ARHGAP10: variants seen among roughly 807,000 people sequenced by gnomAD.
ARHGAP10 encodes rho GTPase-activating protein 10.
In ARHGAP10, 87 loss-of-function variants were observed where a neutral mutation model predicts 108.6. The observed-to-expected ratio is 0.80, with a 90% CI of 0.67 to 0.96. The LOEUF (loss-of-function observed/expected upper bound fraction) is 0.96. Among genes scored for constraint, ARHGAP10 ranks in the 40% least tolerant of loss-of-function variants. The probability of loss-of-function intolerance (pLI) is 0.00; values close to 1 mark genes in which losing one functional copy is unlikely to be tolerated. For missense variants in ARHGAP10, 939 were observed against 954.5 expected (o/e 0.98, Z 0.21); for synonymous variants, 347 against 341.1 (o/e 1.02, Z -0.19).
At chr4:147,932,890 G>A (rs78137022) in intron 13 of ARHGAP10, among the ~76,000 whole-genome samples, 1 of 152,198 alleles carries the variant, frequency 6.6e-6, no homozygotes, top group African/African-American at 2.4e-5. Context: ...GGCAGGTTTG[G>A]TGTGGAAATT....
rs189283222 is a variant in ARHGAP10 at position 147,948,773 on chromosome 4, G to A, written c.1391+2069G>A. 5.2e-3 allele frequency among the ~76,000 whole-genome samples: 790 copies of A among 151,772 alleles called. 34 individuals are homozygous for A. The highest frequency in any genetic ancestry group is 0.047 in the Admixed American group (722 of 15,238). Reference sequence around the variant, plus strand: ...AGATCAAGACCATCCTTGCTAACACGGTGAAACCCCGTCTCTACTAAAAAA... The same window carrying A: ...AGATCAAGACCATCCTTGCTAACACAGTGAAACCCCGTCTCTACTAAAAAA... On this transcript the variant is annotated intron_variant, in intron 15 of 22. Coordinates refer to ENST00000336498, the MANE Select transcript of ARHGAP10 (RefSeq NM_024605.4).
intron 10 of ARHGAP10, among the ~76,000 whole-genome samples, chr4:147,900,526 T>G (rs1370705019): frequency 6.6e-6 from 1 of 152,194 alleles, no homozygotes; most frequent in African/African-American, 2.4e-5. Flanking sequence ...TCTGACTTGC[T>G]GTATGTGATG....
At chr4:148,022,968 G>A (rs1246797116) in intron 18 of ARHGAP10, 1 of 209,130 alleles carries the variant, frequency 4.8e-6, no homozygotes, top group Non-Finnish European at 9.5e-6. Flanking sequence ...AAGGGCTGTG[G>A]TACTGTCTAT....
At chr4:147,761,727 A>G (rs1193883181) in intron 1 of ARHGAP10, among the ~76,000 whole-genome samples, 1 of 152,228 alleles carries the variant, frequency 6.6e-6, no homozygotes, top group African/African-American at 2.4e-5. Context: ...GCCCATTTGG[A>G]ATATACGGGC....
intron 3 of ARHGAP10, among the ~76,000 whole-genome samples, chr4:147,823,482 G>C (rs1372087260): frequency 6.6e-6 from 1 of 152,128 alleles, no homozygotes; most frequent in Non-Finnish European, 1.5e-5. Context: ...CCTTGGCCAG[G>C]CATGGTGGGT....
At chr4:147,750,312 T>C (rs1261211489) in intron 1 of ARHGAP10, among the ~76,000 whole-genome samples, 1 of 151,768 alleles carries the variant, frequency 6.6e-6, no homozygotes, top group Non-Finnish European at 1.5e-5. Flanking sequence ...TGAAGGGAGG[T>C]GTTTAATTTC....
At chr4:147,942,621 C>T (rs1738202157) in intron 14 of ARHGAP10, among the ~76,000 whole-genome samples, 1 of 152,146 alleles carries the variant, frequency 6.6e-6, no homozygotes, top group Non-Finnish European at 1.5e-5. Flanking sequence ...TCCTTATCCT[C>T]TTTATTCTCT....
At chr4:147,841,255 A>C (rs1056529992) in intron 3 of ARHGAP10, among the ~76,000 whole-genome samples, 2 of 152,258 alleles carry the variant, frequency 1.3e-5, no homozygotes, top group African/African-American at 4.8e-5. Context: ...AACCCTTTCC[A>C]AGGCTCACTA....
At chr4:147,935,609 G>C (rs6820696) in intron 13 of ARHGAP10, among the ~76,000 whole-genome samples, 138,819 of 152,204 alleles carry the variant, frequency 0.91, 63,732 homozygotes, top group East Asian at 0.97. Flanking sequence ...AAAAGGACAT[G>C]ATAAACTCAC....
At chr4:147,759,146 GTAATAAACTA>G (rs1729495343) in intron 1 of ARHGAP10, among the ~76,000 whole-genome samples, 1 of 152,122 alleles carries the variant, frequency 6.6e-6, no homozygotes, top group South Asian at 2.1e-4. Context: ...TTTGCTGATA[GTAATAAACTA>G]TTGTAATAAA....
In ARHGAP10 at chr4:147,732,152, G is replaced by C. The variant is rs1186046030; in HGVS notation, c.-150G>C. 6 of 653,060 alleles carry C rather than the reference G, an allele frequency of 9.2e-6. No homozygotes were observed. In the East Asian group the frequency reaches 1.1e-4, roughly 12 times the overall value. 40.5% of individuals were successfully genotyped at this position (653,060 alleles called of 1,614,324 possible). A position where few individuals can be genotyped will look rare whatever the true frequency, so the allele number is the denominator to read the frequency against. On this transcript the variant is annotated 5_prime_UTR_variant, in exon 1 of 23. Coordinates refer to ENST00000336498, the MANE Select transcript of ARHGAP10 (RefSeq NM_024605.4). ...CCGCGCCGCAGGACTCGGCTCTACG[G>C]GACATGTCCGTGCCGCGCTCGCCGC...
intron 7 of ARHGAP10, among the ~76,000 whole-genome samples, chr4:147,873,623 C>G (rs144220284): frequency 6.7e-6 from 1 of 149,416 alleles, no homozygotes. Context: ...CCCAGGAGTT[C>G]GAGACCAGCC....
chr4:148,047,532 T>G (rs1443025378), intron 20 of ARHGAP10, among the ~76,000 whole-genome samples: 1 of 152,252 alleles, frequency 6.6e-6, no homozygotes, highest in East Asian at 1.9e-4. Context: ...ACATTTGATT[T>G]TATCTTCTCA....
chr4:147,764,497 A>C (rs566147457), intron 1 of ARHGAP10, among the ~76,000 whole-genome samples: 10 of 151,556 alleles, frequency 6.6e-5, no homozygotes, highest in East Asian at 1.9e-4. Context: ...AAAAAAAAAA[A>C]CCTCCAAATC....
At chr4:147,982,403 T>C (rs1436934460) in intron 18 of ARHGAP10, among the ~76,000 whole-genome samples, 1 of 148,490 alleles carries the variant, frequency 6.7e-6, no homozygotes, top group Non-Finnish European at 1.5e-5. Context: ...AGGGTCTCAC[T>C]CTGTTGCCCA....
chr4:147,815,614 T>C (rs528372679), intron 1 of ARHGAP10, among the ~76,000 whole-genome samples: 2 of 152,228 alleles, frequency 1.3e-5, no homozygotes, highest in South Asian at 4.1e-4. Context: ...CCCAGCACTT[T>C]GGAGGGCCAA....
chr4:147,784,818 A>C (rs11721640), intron 1 of ARHGAP10, among the ~76,000 whole-genome samples: 1 of 26,480 alleles, frequency 3.8e-5, no homozygotes, highest in Admixed American at 7.4e-4. Context: ...TATATTATAA[A>C]ATATATATTA....
chr4:147,999,612 TG>T (rs1472765413), intron 18 of ARHGAP10, among the ~76,000 whole-genome samples: 3 of 152,230 alleles, frequency 2.0e-5, no homozygotes, highest in Non-Finnish European at 4.4e-5. Flanking sequence ...GTAATGGAGC[TG>T]AACACTAGTC....
chr4:147,763,807 T>G (rs889329285), intron 1 of ARHGAP10, among the ~76,000 whole-genome samples: 29 of 138,630 alleles, frequency 2.1e-4, no homozygotes, highest in Admixed American at 1.7e-4. Context: ...CAGGCTGGGG[T>G]GCAGTGGCAC....
Sources: allele counts gnomAD v4.1 joint callset (sites outside exome capture counted in the v4.1 genomes callset), GRCh38; gene constraint gnomAD v4.1.1; transcripts MANE v1.5; gene names NCBI Gene and HGNC (gene_info 2026-07-23, HGNC 2026-07-21).